XKR6: variants seen among roughly 807,000 people sequenced by gnomAD.
The protein encoded by XKR6 is XK-related protein 6.
A neutral mutation model predicts 56.7 loss-of-function variants in XKR6; 22 were observed. That is an observed-to-expected ratio of 0.39 (90% CI 0.28 to 0.55). The LOEUF is 0.55. XKR6 is among the 20% of genes least tolerant of loss of function. The pLI is 0.66. For missense variants in XKR6, 852 were observed against 889.0 expected (o/e 0.96, Z 0.53); for synonymous variants, 524 against 387.8 (o/e 1.35, Z -4.13).
intron 1 of XKR6, among the ~76,000 whole-genome samples, chr8:11,183,171 T>C (rs944743994): frequency 2.6e-5 from 4 of 152,242 alleles, no homozygotes; most frequent in Non-Finnish European, 5.9e-5. Flanking sequence ...CTGCTATGAA[T>C]GTGGCTGTAC....
rs201645869 is a variant in XKR6 at position 10,898,001 on chromosome 8, C to T, written c.1877G>A (p.Arg626Gln). The T allele has an allele frequency of 2.2e-5, 35 of 1,610,510 alleles. No individual in the cohort carries two copies. Among genetic ancestry groups the T allele is most frequent in the East Asian group, 4.5e-5 (2 of 44,856 alleles). ...VTPTAVGIRY[R>Q]DGPLLYELLQ... ...CAACTCATAGAGGAGTGGTCCGTCT[C>T]GATATCGAATGCCTACTGCGGTGGG... Residue 626 changes from arginine to glutamine, a missense_variant, in exon 3 of 3, where the codon CGA becomes CAA. Arg to Gln is a conservative substitution (Grantham distance 43). This residue lies in a region of XKR6 where 39 missense variants were observed against 62.5 expected (regional missense o/e 0.62). Coordinates refer to ENST00000416569, the MANE Select transcript of XKR6 (RefSeq NM_173683.4). This position sits in a 1 kb window ranked among gnomAD's most constrained non-coding sequence, Gnocchi z 6.6.
At chr8:10,909,506 A>G (rs1328221208) in intron 2 of XKR6, among the ~76,000 whole-genome samples, 1 of 152,182 alleles carries the variant, frequency 6.6e-6, no homozygotes, top group Non-Finnish European at 1.5e-5. Context: ...TAGCTCCCTA[A>G]GGGCAGAGCA....
At chr8:11,183,478 G>GT (rs77467126) in intron 1 of XKR6, among the ~76,000 whole-genome samples, 5,580 of 141,124 alleles carry the variant, frequency 0.04, 193 homozygotes, top group African/African-American at 0.093. Context: ...CACCTGTCTA[G>GT]TTTTTTTTTT....
intron 1 of XKR6, among the ~76,000 whole-genome samples, chr8:11,063,427 G>A (rs558901678): frequency 6.6e-6 from 1 of 151,006 alleles, no homozygotes; most frequent in Non-Finnish European, 1.5e-5. Flanking sequence ...GCATCCAGGA[G>A]TTGGAGGCTG....
intron 1 of XKR6, among the ~76,000 whole-genome samples, chr8:10,963,546 C>CT (rs35470964): frequency 3.6e-4 from 52 of 146,180 alleles, no homozygotes; most frequent in East Asian, 1.0e-3. Flanking sequence ...AAGACCCTTC[C>CT]TTTTTTTTTT....
chr8:11,117,192 G>T (rs565640064), intron 1 of XKR6, among the ~76,000 whole-genome samples: 14 of 152,204 alleles, frequency 9.2e-5, no homozygotes, highest in South Asian at 6.2e-4. Context: ...TGCAGAAAGG[G>T]TTAACCCCCA....
chr8:10,966,060 C>T (rs1802212974), intron 1 of XKR6, among the ~76,000 whole-genome samples: 2 of 152,168 alleles, frequency 1.3e-5, no homozygotes, highest in African/African-American at 4.8e-5. Flanking sequence ...TCGGGTACAT[C>T]CAGATAACTT....
At chr8:11,088,307 AC>A (rs1797958097) in intron 1 of XKR6, among the ~76,000 whole-genome samples, 1 of 152,212 alleles carries the variant, frequency 6.6e-6, no homozygotes, top group African/African-American at 2.4e-5. Flanking sequence ...GATAATTCTG[AC>A]CCAGATCCCC....
intron 1 of XKR6, among the ~76,000 whole-genome samples, chr8:11,058,955 T>C (rs957291717): frequency 6.6e-6 from 1 of 152,234 alleles, no homozygotes; most frequent in Non-Finnish European, 1.5e-5. Flanking sequence ...CTGTACAACT[T>C]CGCAGCCAGG....
chr8:11,064,964 G>A (rs1423594958), intron 1 of XKR6, among the ~76,000 whole-genome samples: 1 of 152,156 alleles, frequency 6.6e-6, no homozygotes, highest in Non-Finnish European at 1.5e-5. Context: ...TATACTCTTT[G>A]TTACTCTTGT....
At position 10,898,472 on chromosome 8, in the gene XKR6, G is replaced by C; in HGVS notation, c.1406C>G (p.Thr469Ser). 1 of 1,613,972 alleles carries C rather than the reference G, an allele frequency of 6.2e-7. No individual in the cohort carries two copies. The highest frequency in any genetic ancestry group is 1.1e-5 in the South Asian group (1 of 91,072). The change falls in exon 3 of 3, where the codon ACT (threonine) becomes AGT (serine). Residue 469 changes from threonine to serine, a missense_variant. Physicochemically the swap from Thr to Ser is moderately conservative, Grantham distance 58 (BLOSUM62 1). Coordinates refer to ENST00000416569, the MANE Select transcript of XKR6 (RefSeq NM_173683.4). This position sits in a 1 kb window ranked among gnomAD's most constrained non-coding sequence, Gnocchi z 6.6. ...LWYFYRDPETTDSYAVPALCC... is the reference protein window; with the variant it reads ...LWYFYRDPETSDSYAVPALCC... ...CAGTGCTGGCACCGCATAGGAGTCA[G>C]TGGTCTCCGGGTCTCTGTAAAAATA...
chr8:10,899,910 G>T (rs115765117), intron 2 of XKR6, among the ~76,000 whole-genome samples: 41 of 152,240 alleles, frequency 2.7e-4, no homozygotes, highest in African/African-American at 9.9e-4. Context: ...ACAATCCATT[G>T]TTACTGAAGT....
At chr8:10,905,174 C>A (rs952515047) in intron 2 of XKR6, among the ~76,000 whole-genome samples, 2 of 152,182 alleles carry the variant, frequency 1.3e-5, no homozygotes, top group African/African-American at 4.8e-5. Context: ...CTCTCCTTGT[C>A]TCATCTTCTC....
chr8:11,140,286 G>A (rs1352102732), intron 1 of XKR6, among the ~76,000 whole-genome samples: 2 of 152,092 alleles, frequency 1.3e-5, no homozygotes, highest in Non-Finnish European at 2.9e-5. Context: ...TCCAAGAAAC[G>A]TTTTCCGAAT....
At chr8:11,141,685 G>A (rs1369303661) in intron 1 of XKR6, among the ~76,000 whole-genome samples, 1 of 152,160 alleles carries the variant, frequency 6.6e-6, no homozygotes, top group Non-Finnish European at 1.5e-5. Flanking sequence ...GAGTGATCGT[G>A]TGCCCAGTAT....
In XKR6 at chr8:11,094,654, G is replaced by A. The variant is rs141426608; in HGVS notation, c.764+105922C>T. Among the ~76,000 whole-genome samples the A allele has an allele frequency of 8.2e-4, 125 of 152,216 alleles. 1 individual carries two copies. In the East Asian group the frequency reaches 0.015, roughly 19 times the overall value. On this transcript the variant is annotated intron_variant, in intron 1 of 2. Coordinates refer to ENST00000416569, the MANE Select transcript of XKR6 (RefSeq NM_173683.4). ...ACTGGGGGCTGGTGGGACCGACATCGATGGAGTGGTTACTAGCAGCCAGAC... is the reference window on the plus strand; with the variant it reads ...ACTGGGGGCTGGTGGGACCGACATCAATGGAGTGGTTACTAGCAGCCAGAC...
At chr8:11,049,789 G>C (rs1345988739) in intron 1 of XKR6, among the ~76,000 whole-genome samples, 1 of 152,206 alleles carries the variant, frequency 6.6e-6, no homozygotes, top group Non-Finnish European at 1.5e-5. Context: ...CTGTTGGGCA[G>C]AATTTTTCTA....
At chr8:11,086,136 A>ATATATATATG (rs1797880272) in intron 1 of XKR6, among the ~76,000 whole-genome samples, 1 of 115,272 alleles carries the variant, frequency 8.7e-6, no homozygotes, top group Non-Finnish European at 1.8e-5. Flanking sequence ...AAAAGAAAAT[A>ATATATATATG]TATATATATA....
chr8:10,925,440 A>T (rs1395401355), intron 1 of XKR6, among the ~76,000 whole-genome samples: 1 of 152,158 alleles, frequency 6.6e-6, no homozygotes, highest in African/African-American at 2.4e-5. Context: ...TAGGGATCAC[A>T]TCCAGGCCAC....
Sources: gnomAD v4.1 joint callset for allele counts (sites outside exome capture counted in the v4.1 genomes callset) on GRCh38, gnomAD v4.1.1 for gene constraint, gnomAD v4.1.1 regional missense constraint, Gnocchi (gnomAD v3.1) non-coding constraint, MANE v1.5 for transcripts, NCBI Gene and HGNC (gene_info 2026-07-23, HGNC 2026-07-21) for gene names.